TLN2: variants seen among roughly 807,000 people sequenced by gnomAD.
The protein encoded by TLN2 is talin 2, also known as talin-2.
Under a neutral mutation model 294.7 loss-of-function variants are expected in TLN2, and 118 were observed. The ratio of observed to expected loss-of-function variants is 0.40; its 90% confidence interval spans 0.34 to 0.47. The LOEUF (loss-of-function observed/expected upper bound fraction) is 0.47, where lower values mean the gene tolerates loss of function less well. Among genes scored for constraint, TLN2 ranks in the 20% least tolerant of loss-of-function variants. The pLI, the probability that TLN2 is intolerant of heterozygous loss-of-function variation, is 0.84. For synonymous variants in TLN2, 1,431 were observed against 1,304.5 expected, an observed-to-expected ratio of 1.10 and a Z score of -2.09; for missense variants, 3,083 against 3,282.2, an observed-to-expected ratio of 0.94 and a Z score of 1.48.
rs564870032 is a variant in TLN2 at position 62,585,571 on chromosome 15, G to A, written c.-237-4116G>A. ...CTGCTGTTGGTGACAGGCATTTTAG[G>A]TGTAGCTTTTGCTGATTTTTGTTCA... On this transcript the variant is annotated intron_variant, in intron 1 of 58. Transcript: ENST00000636159. Among the ~76,000 whole-genome samples the A allele has an allele frequency of 1.6e-4, 25 of 152,218 alleles. No individual in the cohort carries two copies. In the South Asian group the frequency reaches 3.5e-3, roughly 21 times the overall value.
At chr15:62,531,514 A>G (rs1380563007) in intron 1 of TLN2, among the ~76,000 whole-genome samples, 1 of 152,200 alleles carries the variant, frequency 6.6e-6, no homozygotes, top group Non-Finnish European at 1.5e-5. Flanking sequence ...AATATAGTAA[A>G]TAAGAATGTA....
At chr15:62,779,900 T>G (rs898854396) in intron 43 of TLN2, among the ~76,000 whole-genome samples, 1 of 152,224 alleles carries the variant, frequency 6.6e-6, no homozygotes. Flanking sequence ...TGCCTTCCTT[T>G]CACTCACAGT....
chr15:62,690,085 C>A (rs1409818072), intron 12 of TLN2, among the ~76,000 whole-genome samples: 11 of 103,816 alleles, frequency 1.1e-4, no homozygotes, highest in Non-Finnish European at 2.1e-4. Flanking sequence ...GGGCGGCCGG[C>A]CGGGCGGGGG....
chr15:62,515,875 G>T (rs758767942), intron 1 of TLN2, among the ~76,000 whole-genome samples: 1 of 152,162 alleles, frequency 6.6e-6, no homozygotes, highest in Non-Finnish European at 1.5e-5. Flanking sequence ...CTTTATGTGT[G>T]CTGGGCTTGC....
chr15:62,461,335 G>A (rs1258803860), intron 1 of TLN2, among the ~76,000 whole-genome samples: 1 of 152,116 alleles, frequency 6.6e-6, no homozygotes, highest in East Asian at 1.9e-4. Context: ...TGTGAGATTT[G>A]CCTCCATCTT....
At chr15:62,507,659 G>A (rs1426744025) in intron 1 of TLN2, among the ~76,000 whole-genome samples, 2 of 152,184 alleles carry the variant, frequency 1.3e-5, no homozygotes, top group Non-Finnish European at 2.9e-5. Context: ...TTAATTGCAT[G>A]GTAATTAAAT....
intron 1 of TLN2, among the ~76,000 whole-genome samples, chr15:62,412,591 A>G (rs1439305866): frequency 6.6e-6 from 1 of 152,244 alleles, no homozygotes; most frequent in East Asian, 1.9e-4. Context: ...GTCCCTGGGT[A>G]AAGACTTACA....
At chr15:62,692,306 G>A (rs28376222) in intron 12 of TLN2, among the ~76,000 whole-genome samples, 6,942 of 152,256 alleles carry the variant, frequency 0.046, 500 homozygotes, top group African/African-American at 0.15. Flanking sequence ...GGGCTTTACT[G>A]TGGCTGCTGC....
intron 32 of TLN2, 50 bp from the exon 33 acceptor site, chr15:62,748,301 A>C: frequency 7.3e-7 from 1 of 1,375,742 alleles, no homozygotes; most frequent in South Asian, 1.2e-5. Flanking sequence ...TTGTAGGGGA[A>C]ATTACTGTTG....
At chr15:62,665,538 G>A (rs940606746) in intron 9 of TLN2, among the ~76,000 whole-genome samples, 1 of 152,180 alleles carries the variant, frequency 6.6e-6, no homozygotes, top group Non-Finnish European at 1.5e-5. Context: ...AGTGTGGGCA[G>A]GCAGGTCACA....
intron 1 of TLN2, among the ~76,000 whole-genome samples, chr15:62,568,581 T>G (rs1394101926): frequency 1.3e-5 from 2 of 152,196 alleles, no homozygotes; most frequent in Non-Finnish European, 2.9e-5. Context: ...CGGAGATGGA[T>G]AATGACAGCC....
intron 1 of TLN2, among the ~76,000 whole-genome samples, chr15:62,550,300 AG>A (rs1247099842): frequency 3.3e-5 from 5 of 152,098 alleles, no homozygotes; most frequent in African/African-American, 9.7e-5. Context: ...ACATATTTAC[AG>A]GGGGGAAAAT....
At chr15:62,818,082 T>G (rs2067258985) in intron 52 of TLN2, among the ~76,000 whole-genome samples, 1 of 152,154 alleles carries the variant, frequency 6.6e-6, no homozygotes, top group Admixed American at 6.5e-5. Context: ...AGTGCTGGGA[T>G]TACAAGCATG....
At chr15:62,792,445 T>G (rs1157562241) in intron 45 of TLN2, among the ~76,000 whole-genome samples, 196 bp from the exon 46 acceptor site, 1 of 152,214 alleles carries the variant, frequency 6.6e-6, no homozygotes, top group Non-Finnish European at 1.5e-5. Context: ...AGGTAGAGAC[T>G]GGGCATTTTA....
chr15:62,832,108 C>CCTT (rs377109184), intron 54 of TLN2: 1 of 136,188 alleles, frequency 7.3e-6, no homozygotes, highest in South Asian at 2.4e-4. Flanking sequence ...AATATACGAT[C>CCTT]TTTTTTTTTT....
At chr15:62,778,092 A>G (rs944257199) in intron 43 of TLN2, among the ~76,000 whole-genome samples, 1 of 152,210 alleles carries the variant, frequency 6.6e-6, no homozygotes, top group Non-Finnish European at 1.5e-5. Flanking sequence ...GGTTGTTCAT[A>G]TCTCCATGAA....
intron 1 of TLN2, among the ~76,000 whole-genome samples, chr15:62,530,915 C>T (rs2041006791): frequency 6.6e-6 from 1 of 151,978 alleles, no homozygotes; most frequent in South Asian, 2.1e-4. Context: ...TGCCTTTTTT[C>T]CCTATTAGGT....
At chr15:62,522,623 T>C (rs2040517763) in intron 1 of TLN2, among the ~76,000 whole-genome samples, 2 of 152,176 alleles carry the variant, frequency 1.3e-5, no homozygotes, top group Non-Finnish European at 2.9e-5. Flanking sequence ...GTTGTTTTTT[T>C]AAAAAGCAAA....
chr15:62,674,200 A>T (rs1005769560), intron 10 of TLN2, among the ~76,000 whole-genome samples: 3 of 152,240 alleles, frequency 2.0e-5, no homozygotes, highest in African/African-American at 7.2e-5. Flanking sequence ...GGAAGGATCT[A>T]CAAGTAGCCT....
Sources: gnomAD v4.1 joint callset for allele counts (sites outside exome capture counted in the v4.1 genomes callset) on GRCh38, gnomAD v4.1.1 for gene constraint, MANE v1.5 for transcripts, NCBI Gene and HGNC (gene_info 2026-07-23, HGNC 2026-07-21) for gene names.